Variants in SUN1 observed in about 807,000 individuals in gnomAD.
SUN1 encodes SUN domain-containing protein 1.
A neutral mutation model predicts 103.2 loss-of-function variants in SUN1; 61 were observed. That is an observed-to-expected ratio of 0.59 (90% CI 0.48 to 0.73). The LOEUF (loss-of-function observed/expected upper bound fraction) is 0.73. Ranked by LOEUF, SUN1 falls within the 30% of genes least tolerant of loss-of-function variation. The pLI is 0.00. For synonymous variants in SUN1, 490 were observed against 425.7 expected (o/e 1.15, Z -1.86); for missense variants, 1,052 against 1,034.6 (o/e 1.02, Z -0.23).
chr7:827,626 C>T (rs780014593), upstream of SUN1, among the ~76,000 whole-genome samples: 25 of 151,990 alleles, frequency 1.6e-4, no homozygotes, highest in Non-Finnish European at 3.2e-4. Context: ...CCCGCCACCA[C>T]GCCCGGCTAA....
At chr7:852,716 A>G (rs773293636) in intron 8 of SUN1, 49 bp downstream of exon 8, 2 of 1,614,072 alleles carry the variant, frequency 1.2e-6, no homozygotes, top group Admixed American at 1.7e-5. Context: ...CGGTACACAC[A>G]TATGTGTAAC....
chr7:851,440 A>G lies in SUN1; in HGVS notation c.715A>G (p.Arg239Gly), dbSNP rs879232845. 16 of 1,610,738 alleles carry G rather than the reference A, an allele frequency of 9.9e-6. No individual in the cohort carries two copies. In the Admixed American group the frequency reaches 2.0e-4, roughly 20 times the overall value. The stretch of plus-strand genomic sequence containing the variant: ...CGGAGCTGTGGGCCAGGCTGTGTCC[A>G]GGACGGCGTGGTCGGCCCTTTGGCT... Reference protein sequence around the residue: ...RIGAVGQAVSRTAWSALWLAV... With the variant: ...RIGAVGQAVSGTAWSALWLAV... Residue 239 changes from arginine (R) to glycine (G), a missense_variant, in exon 6 of 19, where the codon AGG becomes GGG. Arg to Gly is a moderately radical substitution (Grantham distance 125). Around this residue, in one of 2 missense-constraint regions of SUN1, gnomAD observed 846 missense variants for 774.5 expected, o/e 1.09. Coordinates refer to ENST00000401592, the MANE Select transcript of SUN1 (RefSeq NM_001130965.3).
At chr7:855,090 T>A (rs1825870819) in intron 11 of SUN1, 84 bp downstream of exon 11, 1 of 1,074,198 alleles carries the variant, frequency 9.3e-7, no homozygotes, top group Admixed American at 2.3e-5. Flanking sequence ...GGTCATTTAA[T>A]GTTCCTCTTT....
chr7:856,289 G>A (rs1827207288), intron 11 of SUN1, 69 bp from the exon 12 acceptor site: 2 of 1,490,100 alleles, frequency 1.3e-6, no homozygotes, highest in South Asian at 2.3e-5. Flanking sequence ...GGAGTTTTAA[G>A]TATGTGGTTT....
At chr7:827,465 C>CT (rs1793322188) in intron 1 of SUN1, among the ~76,000 whole-genome samples, 2 of 140,634 alleles carry the variant, frequency 1.4e-5, no homozygotes, top group African/African-American at 5.3e-5. Context: ...ATCTAAAGTC[C>CT]GTTTTTTTTT....
Position 842,038 on chromosome 7 carries a change from G to A in SUN1, c.359G>A (p.Gly120Asp). The change falls in exon 3 of 19, where the codon GGC becomes GAC. Residue 120 changes from glycine to aspartate, a missense_variant. Around this residue, in one of 2 missense-constraint regions of SUN1, gnomAD observed 846 missense variants for 774.5 expected, o/e 1.09. Coordinates refer to ENST00000401592, the MANE Select transcript of SUN1 (RefSeq NM_001130965.3). ...ACGTCCTCTGGCGTCAGCCACGGCG[G>A]CACTGTCAGCCTGCAGGATGCTGTG... is the stretch of plus-strand genomic sequence containing the variant. The part of the protein sequence containing the change: ...QVTSSGVSHG[G>D]TVSLQDAVTR... 1 of 1,614,198 alleles carries A rather than the reference G, an allele frequency of 6.2e-7. No homozygotes were observed. The highest frequency in any genetic ancestry group is 8.5e-7 in the Non-Finnish European group (1 of 1,180,028).
At chr7:864,591 A>G (rs1159985903) in intron 15 of SUN1, among the ~76,000 whole-genome samples, 1 of 150,442 alleles carries the variant, frequency 6.6e-6, no homozygotes, top group African/African-American at 2.4e-5. Context: ...GAAGTTCACT[A>G]CAGTCACCCT....
At chr7:855,070 A>G (rs761439430) in intron 11 of SUN1, 64 bp downstream of exon 11, 10 of 1,285,464 alleles carry the variant, frequency 7.8e-6, no homozygotes, top group African/African-American at 1.5e-5. Context: ...CTAATATTTT[A>G]AAGCCCTTTG....
chr7:829,728 G>A (rs552894144), upstream of SUN1, among the ~76,000 whole-genome samples: 52 of 152,032 alleles, frequency 3.4e-4, no homozygotes, highest in Non-Finnish European at 6.3e-4. Flanking sequence ...CTAACTTTTT[G>A]TATTTTTAGT....
chr7:819,786 G>A lies in SUN1; in HGVS notation c.-74+3113G>A, dbSNP rs879755398. ...TGCAGTGGCGTGATCTCGGCTCACTGCAACCTCCGCCTCCCAGGTTCAAAC... is the reference window on the plus strand; with the variant it reads ...TGCAGTGGCGTGATCTCGGCTCACTACAACCTCCGCCTCCCAGGTTCAAAC... On this transcript the variant is annotated intron_variant, in intron 1 of 17. Coordinates refer to the SUN1 transcript ENST00000389574. Among the ~76,000 whole-genome samples the A allele has an allele frequency of 2.1e-5, 3 of 145,816 alleles. No homozygotes were observed. The East Asian group carries it at 6.0e-4, about 29-fold the overall frequency.
At chr7:825,594 T>C (rs180954549) in intron 1 of SUN1, among the ~76,000 whole-genome samples, 3 of 152,338 alleles carry the variant, frequency 2.0e-5, no homozygotes, top group Admixed American at 6.5e-5. Context: ...TTATTTCTGA[T>C]TTGTTGTTTT....
chr7:818,801 T>C (rs1037772426), intron 1 of SUN1, among the ~76,000 whole-genome samples: 6 of 152,150 alleles, frequency 3.9e-5, no homozygotes, highest in African/African-American at 1.2e-4. Context: ...AATTGTTTCA[T>C]GTTCATGTTG....
Position 851,427 on chromosome 7 carries a change from C to T in SUN1, c.702C>T (p.Gly234=). The T allele has an allele frequency of 6.2e-7, 1 of 1,610,472 alleles. No individual in the cohort carries two copies. The highest frequency in any genetic ancestry group is 2.2e-5 in the East Asian group (1 of 44,802). ...LQILRRIGAV[G]QAVSRTAWSA... ...TTCTGCGCAGGATCGGAGCTGTGGG[C>T]CAGGCTGTGTCCAGGACGGCGTGGT... The change falls in exon 6 of 19, where the codon GGC becomes GGT. Residue 234 remains glycine (G), a synonymous_variant. Coordinates refer to ENST00000401592, the MANE Select transcript of SUN1 (RefSeq NM_001130965.3).
chr7:861,141 G>A (rs1015083780), intron 14 of SUN1, among the ~76,000 whole-genome samples: 1 of 152,104 alleles, frequency 6.6e-6, no homozygotes, highest in African/African-American at 2.4e-5. Context: ...GATTGATGGT[G>A]GCCATGGCTG....
At chr7:870,847 C>T (rs574564181) in intron 17 of SUN1, among the ~76,000 whole-genome samples, 23 of 151,218 alleles carry the variant, frequency 1.5e-4, no homozygotes, top group Admixed American at 6.6e-4. Context: ...ACGGCCGAGT[C>T]GGTGCACTGT....
upstream of SUN1, among the ~76,000 whole-genome samples, chr7:830,216 A>C (rs1259044389): frequency 2.0e-5 from 3 of 152,196 alleles, no homozygotes; most frequent in African/African-American, 7.2e-5. Flanking sequence ...AGCGCAGAGC[A>C]CCTGCCTTGG....
At chr7:853,110 T>G in intron 9 of SUN1, 158 bp downstream of exon 9, 1 of 1,014,730 alleles carries the variant, frequency 9.9e-7, no homozygotes, top group South Asian at 1.7e-5. Context: ...TTAAGTGTTC[T>G]AGGATAGTTC....
At chr7:817,305 G>C (rs1033414723) in intron 1 of SUN1, 8 of 940,096 alleles carry the variant, frequency 8.5e-6, no homozygotes, top group Non-Finnish European at 1.3e-5. Context: ...ATGCTGCCCA[G>C]GTCGGACTCC....
intron 13 of SUN1, among the ~76,000 whole-genome samples, chr7:859,110 G>A (rs1439433962): frequency 1.1e-4 from 17 of 148,988 alleles, no homozygotes; most frequent in East Asian, 2.0e-4. Flanking sequence ...CCAAGATCGC[G>A]CCACTGCACT....
Sources: allele counts gnomAD v4.1 joint callset (sites outside exome capture counted in the v4.1 genomes callset), GRCh38; gene constraint gnomAD v4.1.1; regional missense constraint gnomAD v4.1.1; transcripts MANE v1.5; gene names NCBI Gene and HGNC (gene_info 2026-07-23, HGNC 2026-07-21).